ZNF804A: variants seen among roughly 807,000 people sequenced by gnomAD.
ZNF804A encodes zinc finger protein 804A.
Under a neutral mutation model 16.5 loss-of-function variants are expected in ZNF804A, and 2 were observed. The ratio of observed to expected loss-of-function variants is 0.12; its 90% CI spans 0.05 to 0.38. The LOEUF (loss-of-function observed/expected upper bound fraction) is 0.38, where lower values mean the gene tolerates loss of function less well. Ranked by LOEUF, ZNF804A falls within the 10% of genes least tolerant of loss-of-function variation. The probability of loss-of-function intolerance (pLI) is 0.99; values close to 1 mark genes in which losing one functional copy is unlikely to be tolerated. For synonymous variants in ZNF804A, 534 were observed against 489.6 expected (o/e 1.09, Z -1.20); for missense variants, 1,473 against 1,390.7 (o/e 1.06, Z -0.94).
chr2:184,627,662 T>C (rs1691527600), intron 1 of ZNF804A, among the ~76,000 whole-genome samples: 1 of 152,220 alleles, frequency 6.6e-6, no homozygotes, highest in Non-Finnish European at 1.5e-5. Flanking sequence ...GCAGAAAATA[T>C]ACTATTTAAA....
At chr2:184,699,387 A>T (rs1692884407) in intron 1 of ZNF804A, among the ~76,000 whole-genome samples, 1 of 152,178 alleles carries the variant, frequency 6.6e-6, no homozygotes, top group Admixed American at 6.6e-5. Context: ...ACCATTATGC[A>T]TAATGATGTA....
intron 1 of ZNF804A, among the ~76,000 whole-genome samples, chr2:184,785,258 T>G (rs1292556821): frequency 6.6e-6 from 1 of 151,946 alleles, no homozygotes; most frequent in Non-Finnish European, 1.5e-5. Context: ...ATAAAATAAT[T>G]TATATGTAAA....
At chr2:184,781,789 A>T (rs1245990159) in intron 1 of ZNF804A, among the ~76,000 whole-genome samples, 2 of 151,894 alleles carry the variant, frequency 1.3e-5, no homozygotes, top group African/African-American at 2.4e-5. Context: ...TTCTTTTTGT[A>T]ATCAGAGCAG....
Position 184,785,771 on chromosome 2 carries a change from A to T in ZNF804A, c.112-80598A>T, listed in dbSNP as rs145320401. On this transcript the variant is annotated intron_variant, in intron 1 of 3. Coordinates refer to ENST00000302277, the MANE Select transcript of ZNF804A (RefSeq NM_194250.2). ...TAAACATAGATACCACACATAAAAT[A>T]CATATCTGTGCATATATAAATGCAT... Among the ~76,000 whole-genome samples the T allele has an allele frequency of 2.2e-3, 329 of 152,232 alleles. 1 individual carries two copies. The highest frequency in any genetic ancestry group is 6.8e-3 in the Middle Eastern group (2 of 294).
intron 1 of ZNF804A, among the ~76,000 whole-genome samples, chr2:184,788,211 T>G (rs1694480542): frequency 6.6e-6 from 1 of 152,090 alleles, no homozygotes; most frequent in South Asian, 2.1e-4. Flanking sequence ...TCTATTTTTG[T>G]ACCAGTACCA....
At chr2:184,602,143 A>G (rs1691060470) in intron 1 of ZNF804A, among the ~76,000 whole-genome samples, 1 of 151,922 alleles carries the variant, frequency 6.6e-6, no homozygotes, top group East Asian at 1.9e-4. Context: ...ATTTTGGAAA[A>G]TAAAACAACA....
chr2:184,908,871 A>G (rs922868382), intron 2 of ZNF804A, among the ~76,000 whole-genome samples: 9 of 152,284 alleles, frequency 5.9e-5, no homozygotes, highest in Non-Finnish European at 1.3e-4. Flanking sequence ...GCAAATATCC[A>G]GTAAAGGATT....
At chr2:184,879,498 A>G (rs1375526206) in intron 2 of ZNF804A, among the ~76,000 whole-genome samples, 2 of 152,072 alleles carry the variant, frequency 1.3e-5, no homozygotes, top group Non-Finnish European at 2.9e-5. Context: ...TCAATTTACA[A>G]CAAACTGAAC....
intron 2 of ZNF804A, among the ~76,000 whole-genome samples, chr2:184,897,871 C>T (rs1246584400): frequency 1.3e-5 from 2 of 152,034 alleles, no homozygotes; most frequent in Non-Finnish European, 2.9e-5. Context: ...GGTCTAGGCT[C>T]TTTATTCCGT....
rs761680885 is a variant in ZNF804A, at chr2:184,805,101, A to G, written c.112-61268A>G. 3.9e-5 allele frequency among the ~76,000 whole-genome samples: 6 copies of G among 152,312 alleles called. No individual in the cohort carries two copies. In the South Asian group the frequency reaches 6.2e-4, roughly 16 times the overall value. On this transcript the variant is annotated intron_variant, in intron 1 of 3. Transcript: ENST00000302277. Reference sequence around the variant, plus strand: ...TTCCTTACAGCTATTCAGAGCATTTATCTAGATATACTAATAAACAAGAAA... The same window carrying G: ...TTCCTTACAGCTATTCAGAGCATTTGTCTAGATATACTAATAAACAAGAAA...
intron 2 of ZNF804A, among the ~76,000 whole-genome samples, chr2:184,928,545 C>A (rs1685644525): frequency 6.6e-6 from 1 of 152,122 alleles, no homozygotes; most frequent in Non-Finnish European, 1.5e-5. Flanking sequence ...CCCTCCAGAC[C>A]ACTGGCTCTG....
chr2:184,718,938 G>T (rs746565873), intron 1 of ZNF804A, among the ~76,000 whole-genome samples: 75 of 152,224 alleles, frequency 4.9e-4, no homozygotes, highest in South Asian at 1.9e-3. Flanking sequence ...TGGGGATTCT[G>T]CATGGGGGCT....
rs564954051 is a variant in ZNF804A at position 184,926,546 on chromosome 2, T to G, written c.256-7057T>G. Among the ~76,000 whole-genome samples, 8 of 152,230 alleles carry G rather than the reference T, an allele frequency of 5.3e-5. No individual in the cohort carries two copies. The East Asian group carries it at 1.5e-3, about 29-fold the overall frequency. ...TTTTACTTGGATATTGGTAACTTTT[T>G]TTTAGGTTTGGGGAGTTCACTTTTA... On this transcript the variant is annotated intron_variant, in intron 2 of 3. Coordinates refer to ENST00000302277, the MANE Select transcript of ZNF804A (RefSeq NM_194250.2).
At chr2:184,780,013 G>T (rs908846818) in intron 1 of ZNF804A, among the ~76,000 whole-genome samples, 1 of 151,614 alleles carries the variant, frequency 6.6e-6, no homozygotes, top group Non-Finnish European at 1.5e-5. Context: ...GGTCCCACAG[G>T]CTCCCAGGCT....
intron 1 of ZNF804A, among the ~76,000 whole-genome samples, chr2:184,701,259 C>G (rs779840545): frequency 6.6e-6 from 1 of 151,712 alleles, no homozygotes; most frequent in Admixed American, 6.6e-5. Flanking sequence ...AACAATGTTA[C>G]GACAGAATAC....
At chr2:184,915,483 T>A (rs1332282041) in intron 2 of ZNF804A, among the ~76,000 whole-genome samples, 1 of 152,116 alleles carries the variant, frequency 6.6e-6, no homozygotes, top group African/African-American at 2.4e-5. Flanking sequence ...CACTGTACTA[T>A]CCAATGTTTT....
intron 1 of ZNF804A, among the ~76,000 whole-genome samples, chr2:184,623,991 A>T (rs1447696865): frequency 2.6e-5 from 4 of 152,148 alleles, no homozygotes; most frequent in African/African-American, 9.6e-5. Context: ...TATTTAAACA[A>T]TTAGTCAGGG....
intron 1 of ZNF804A, among the ~76,000 whole-genome samples, chr2:184,823,527 G>C (rs780732256): frequency 1.3e-5 from 2 of 152,066 alleles, no homozygotes; most frequent in African/African-American, 4.8e-5. Context: ...CCAAAGGGAT[G>C]ACATTAGTCT....
intron 1 of ZNF804A, among the ~76,000 whole-genome samples, chr2:184,794,425 C>T (rs1009217104): frequency 6.6e-6 from 1 of 151,660 alleles, no homozygotes; most frequent in Non-Finnish European, 1.5e-5. Flanking sequence ...GATTGTTTCT[C>T]TTTTTTCTTG....
Sources: allele counts gnomAD v4.1 joint callset (sites outside exome capture counted in the v4.1 genomes callset), GRCh38; gene constraint gnomAD v4.1.1; transcripts MANE v1.5; gene names NCBI Gene and HGNC (gene_info 2026-07-23, HGNC 2026-07-21).